MRS2: variants seen among roughly 807,000 people sequenced by gnomAD.
MRS2 encodes magnesium transporter MRS2.
Under a neutral mutation model 52.6 loss-of-function variants are expected in MRS2, and 40 were observed. That is an observed-to-expected ratio of 0.76 (90% CI 0.59 to 0.99). The LOEUF is 0.99. Ranked by LOEUF, MRS2 falls within the 50% of genes least tolerant of loss-of-function variation. MRS2 has a pLI of 0.00. For missense variants in MRS2, 472 were observed against 532.7 expected (o/e 0.89, Z 1.12); for synonymous variants, 193 against 195.9 (o/e 0.98, Z 0.13).
intron 9 of MRS2, among the ~76,000 whole-genome samples, chr6:24,421,969 T>G (rs1385302997): frequency 6.6e-6 from 1 of 152,108 alleles, no homozygotes; most frequent in Non-Finnish European, 1.5e-5. Context: ...ACCAACATGG[T>G]GAAACCCCAT....
At position 24,406,512 on chromosome 6, in the gene MRS2, G is replaced by A. The variant is rs1046958915; in HGVS notation, c.264+1271G>A. Among the ~76,000 whole-genome samples the A allele has an allele frequency of 2.0e-5, 3 of 152,240 alleles. No homozygotes were observed. The East Asian group carries it at 5.8e-4, about 30-fold the overall frequency. On this transcript the variant is annotated intron_variant, in intron 2 of 10. Transcript: ENST00000378386. ...ATCAGGGCCAGGCACGGTGGCTCAC[G>A]CCTGTAATCCCAACACTTTGGGAGG... is the stretch of plus-strand genomic sequence containing the variant.
chr6:24,407,514 A>G (rs1388491877), intron 2 of MRS2, among the ~76,000 whole-genome samples: 5 of 152,220 alleles, frequency 3.3e-5, no homozygotes, highest in African/African-American at 1.2e-4. Context: ...AGCTCAGCAC[A>G]TAGTGATTCA....
intron 7 of MRS2, among the ~76,000 whole-genome samples, chr6:24,417,425 T>C (rs1761887938): frequency 6.6e-6 from 1 of 152,246 alleles, no homozygotes; most frequent in African/African-American, 2.4e-5. Context: ...GGATTTTGTT[T>C]TACCTGATAG....
At position 24,409,494 on chromosome 6, in the gene MRS2, GTCT is replaced by G; in HGVS notation, c.338_340del (p.Leu113del). 1 of 1,610,982 alleles carries G rather than the reference GTCT, an allele frequency of 6.2e-7. No homozygotes were observed. The stretch of plus-strand genomic sequence containing the variant: ...AAAACTGAATTATACCAAGAGTTAG[GTCT>G]TCAAGCCAGAGATTTGAGATTTCAG... On this transcript the variant is annotated inframe_deletion, in exon 4 of 11. Transcript: ENST00000378386.
At chr6:24,412,485 C>A in intron 5 of MRS2, 90 bp downstream of exon 5, 4 of 1,046,740 alleles carry the variant, frequency 3.8e-6, no homozygotes, top group Non-Finnish European at 2.7e-6. Flanking sequence ...GTTTCAATGG[C>A]ATGTCCCCTG....
intron 5 of MRS2, among the ~76,000 whole-genome samples, chr6:24,413,073 A>G (rs1339374761): frequency 6.6e-6 from 1 of 152,060 alleles, no homozygotes; most frequent in Non-Finnish European, 1.5e-5. Context: ...GTAATTAATG[A>G]GCACCAGCTA....
At chr6:24,410,692 A>G in intron 4 of MRS2, 1 of 1,445,972 alleles carries the variant, frequency 6.9e-7, no homozygotes, top group Non-Finnish European at 9.2e-7. Flanking sequence ...CTTTATCAAA[A>G]ATGAAGCAGT....
intron 7 of MRS2, among the ~76,000 whole-genome samples, 183 bp from the exon 8 acceptor site, chr6:24,417,901 C>T (rs527843681): frequency 4.0e-5 from 6 of 150,772 alleles, no homozygotes; most frequent in South Asian, 2.1e-4. Context: ...GAGATCGCGC[C>T]ACTACACTCC....
chr6:24,412,723 A>G (rs1761708869), intron 5 of MRS2, among the ~76,000 whole-genome samples: 1 of 152,178 alleles, frequency 6.6e-6, no homozygotes, highest in South Asian at 2.1e-4. Context: ...TTTGAGACCT[A>G]GATTGACATA....
At chr6:24,409,614 C>A in intron 4 of MRS2, 41 bp downstream of exon 4, 3 of 1,262,752 alleles carry the variant, frequency 2.4e-6, no homozygotes, top group Non-Finnish European at 3.4e-6. Context: ...CCAATACAAT[C>A]TTATAAAAGT....
intron 4 of MRS2, 84 bp from the exon 5 acceptor site, chr6:24,412,138 T>TATGTATACATATATATGTATATACATGC (rs1761681650): frequency 1.5e-6 from 1 of 686,160 alleles, no homozygotes; most frequent in Non-Finnish European, 2.2e-6. Context: ...TATATATATG[T>TATGTATACATATATATGTATATACATGC]ATGTATACAT....
In MRS2 at chr6:24,422,960, T is replaced by G. The variant is rs767034578; in HGVS notation, c.1131T>G (p.Ile377Met). The G allele has an allele frequency of 6.2e-7, 1 of 1,613,972 alleles. No homozygotes were observed. Among genetic ancestry groups the G allele is most frequent in the South Asian group, 1.1e-5 (1 of 91,042 alleles). Residue 377 changes from isoleucine (I) to methionine (M), a missense_variant, in exon 10 of 11, where the codon ATT becomes ATG. Physicochemically the swap from Ile to Met is conservative, Grantham distance 10 (BLOSUM62 1). Coordinates refer to ENST00000378386, the MANE Select transcript of MRS2 (RefSeq NM_020662.4). Reference protein sequence around the residue: ...LEEDHRIFWLITGIMFMGSGL... With the variant: ...LEEDHRIFWLMTGIMFMGSGL... ...AGGACCATAGAATTTTTTGGCTGAT[T>G]ACAGGAATTATGTTCATGGGAAGTG...
chr6:24,412,216 T>C lies in MRS2; in HGVS notation c.415-6T>C. The C allele has an allele frequency of 2.6e-6, 4 of 1,534,400 alleles. No individual in the cohort carries two copies. Among genetic ancestry groups the C allele is most frequent in the Non-Finnish European group, 3.5e-6 (4 of 1,143,844 alleles). ...TTATATGTTTTGGTTTTTTTTTTTT[T>C]AACAGTATTTGAAAGCTGTGATAAC... On this transcript the variant is annotated splice_region_variant and splice_polypyrimidine_tract_variant and intron_variant, in intron 4 of 10. Coordinates refer to ENST00000378386, the MANE Select transcript of MRS2 (RefSeq NM_020662.4).
At chr6:24,421,599 ATTTGC>A (rs376440186) in intron 9 of MRS2, among the ~76,000 whole-genome samples, 12 of 118,716 alleles carry the variant, frequency 1.0e-4, no homozygotes, top group African/African-American at 2.8e-4. Context: ...ATTTTATCAC[ATTTGC>A]TTTATCATTT....
chr6:24,410,821 G>A (rs1348967665), intron 4 of MRS2: 1 of 1,248,816 alleles, frequency 8.0e-7, no homozygotes, highest in Non-Finnish European at 1.1e-6. Context: ...AGCAAATTCA[G>A]CAGAATGATA....
intron 9 of MRS2, among the ~76,000 whole-genome samples, chr6:24,421,738 G>A (rs1362214421): frequency 6.6e-6 from 1 of 152,186 alleles, no homozygotes. Context: ...TAACCACAGT[G>A]CAGCTATCAA....
chr6:24,412,034 G>T, intron 4 of MRS2, among the ~76,000 whole-genome samples, 188 bp from the exon 5 acceptor site: 1 of 149,170 alleles, frequency 6.7e-6, no homozygotes, highest in Admixed American at 6.7e-5. Flanking sequence ...AAACAAAAAT[G>T]AACACTGATT....
rs956347509 is a variant in MRS2, at chr6:24,403,178, C to T, written c.132C>T (p.Asn44=). Residue 44 remains asparagine, a synonymous_variant, in exon 1 of 11, where the codon AAC becomes AAT. Transcript: ENST00000378386. The part of the protein sequence containing the change: ...PPVAACGRRA[N]LIGRSRAAQL... ...TTGCTGCCTGCGGCCGCCGAGCCAA[C>T]CTGATTGGAAGGAGCCGAGCGGCGC... 4 of 1,607,398 alleles carry T rather than the reference C, an allele frequency of 2.5e-6. No homozygotes were observed. The African/African-American group carries it at 4.0e-5, about 16-fold the overall frequency.
In MRS2 at chr6:24,423,655, T is replaced by C; in HGVS notation, c.1293T>C (p.Asp431=). Residue 431 remains aspartate (D), a synonymous_variant, in exon 11 of 11, where the codon GAT becomes GAC. Coordinates refer to ENST00000378386, the MANE Select transcript of MRS2 (RefSeq NM_020662.4). ...SMELKNSLRL[D]GLGSGRSILT... ...AATTGAAAAATAGCCTCAGACTGGA[T>C]GGACTTGGATCAGGAAGGAGCATCC... The C allele has an allele frequency of 6.2e-7, 1 of 1,612,580 alleles. No homozygotes were observed.
Sources: gnomAD v4.1 joint callset for allele counts (sites outside exome capture counted in the v4.1 genomes callset) on GRCh38, gnomAD v4.1.1 for gene constraint, MANE v1.5 for transcripts, NCBI Gene and HGNC (gene_info 2026-07-23, HGNC 2026-07-21) for gene names.